LYPLAL1: variants seen among roughly 807,000 people sequenced by gnomAD.
The protein encoded by LYPLAL1 is lysophospholipase like 1, also known as lysophospholipase-like protein 1.
LYPLAL1 carries 23 observed loss-of-function variants against 19.7 expected under a neutral mutation model. The observed-to-expected ratio is 1.17, with a 90% CI of 0.84 to 1.65. LYPLAL1 has a LOEUF of 1.65. Ranked by LOEUF, LYPLAL1 falls within the 40% of genes most tolerant of loss-of-function variation. LYPLAL1 has a pLI of 0.00. For synonymous variants in LYPLAL1, 119 were observed against 96.3 expected, an observed-to-expected ratio of 1.24 and a Z score of -1.38; for missense variants, 355 against 279.4, an observed-to-expected ratio of 1.27 and a Z score of -1.93.
chr1:219,206,436 A>T (rs1273739520), intron 3 of LYPLAL1, among the ~76,000 whole-genome samples: 1 of 152,054 alleles, frequency 6.6e-6, no homozygotes, highest in African/African-American at 2.4e-5. Flanking sequence ...TCTTTGTGTT[A>T]AATTTTCTTC....
chr1:219,301,031 G>A, the LYPLAL1 span, among the ~76,000 whole-genome samples: 1 of 151,060 alleles, frequency 6.6e-6, no homozygotes, highest in Non-Finnish European at 1.5e-5. Flanking sequence ...AGACCAGCCT[G>A]GACAACATAG....
At chr1:219,194,323 G>GTC (rs1280545534) in intron 3 of LYPLAL1, among the ~76,000 whole-genome samples, 4 of 151,856 alleles carry the variant, frequency 2.6e-5, no homozygotes, top group African/African-American at 9.7e-5. Flanking sequence ...TCCCAACTTA[G>GTC]TCTAGGGGAT....
the LYPLAL1 span, among the ~76,000 whole-genome samples, chr1:219,285,182 C>T: frequency 6.6e-6 from 1 of 152,202 alleles, no homozygotes; most frequent in Non-Finnish European, 1.5e-5. Flanking sequence ...AAGAAATCAA[C>T]TTTATCGATA....
chr1:219,240,543 T>C, the LYPLAL1 span, among the ~76,000 whole-genome samples: 1 of 152,298 alleles, frequency 6.6e-6, no homozygotes, highest in African/African-American at 2.4e-5. Context: ...TTTGAAAATA[T>C]TGTTAAAATT....
At chr1:219,214,442 T>C (rs1352638023), downstream of LYPLAL1, among the ~76,000 whole-genome samples, 1 of 152,112 alleles carries the variant, frequency 6.6e-6, no homozygotes, top group Non-Finnish European at 1.5e-5. Context: ...TTATATAGTA[T>C]TGCTATTAAT....
the LYPLAL1 span, among the ~76,000 whole-genome samples, chr1:219,358,437 T>C: frequency 6.6e-6 from 1 of 152,194 alleles, no homozygotes. Flanking sequence ...ATCATTGTAT[T>C]AGTTCATTTT....
At chr1:219,346,371 G>A in the LYPLAL1 span, among the ~76,000 whole-genome samples, 859 of 152,140 alleles carry the variant, frequency 5.6e-3, 8 homozygotes, top group Non-Finnish European at 9.4e-3. Context: ...CCTTGATACC[G>A]TCTGGGAGAA....
At chr1:219,428,726 C>T in the LYPLAL1 span, among the ~76,000 whole-genome samples, 1 of 152,236 alleles carries the variant, frequency 6.6e-6, no homozygotes, top group African/African-American at 2.4e-5. Context: ...ATCCCCCTTC[C>T]ACACACAAGT....
intron 3 of LYPLAL1, chr1:219,199,803 C>T (rs183547323): frequency 2.2e-4 from 35 of 159,084 alleles, no homozygotes; most frequent in East Asian, 1.3e-3. Context: ...TTTGTGGAGA[C>T]GGGATTTCAC....
chr1:219,340,787 AT>A, the LYPLAL1 span, among the ~76,000 whole-genome samples: 2 of 152,094 alleles, frequency 1.3e-5, no homozygotes, highest in African/African-American at 2.4e-5. Flanking sequence ...AAGGATCATC[AT>A]TTATTACTAG....
the LYPLAL1 span, among the ~76,000 whole-genome samples, chr1:219,308,619 G>A: frequency 1.3e-5 from 2 of 152,176 alleles, no homozygotes; most frequent in African/African-American, 4.8e-5. Flanking sequence ...CGTAGAGCTC[G>A]GTTTGAGGCT....
the LYPLAL1 span, among the ~76,000 whole-genome samples, chr1:219,227,184 G>A: frequency 6.6e-6 from 1 of 152,174 alleles, no homozygotes; most frequent in Non-Finnish European, 1.5e-5. Flanking sequence ...GGTAAGCAAC[G>A]CAGACGAAAA....
the LYPLAL1 span, among the ~76,000 whole-genome samples, chr1:219,409,119 A>C: frequency 1.3e-5 from 2 of 152,204 alleles, no homozygotes; most frequent in Non-Finnish European, 2.9e-5. Context: ...ATAAAAAGGA[A>C]GGAAACAATG....
intron 4 of LYPLAL1, 35 bp downstream of exon 4, chr1:219,210,682 A>G (rs763757229): frequency 4.4e-6 from 7 of 1,574,170 alleles, no homozygotes; most frequent in African/African-American, 2.8e-5. Context: ...TGAAAAAAAT[A>G]TGAAATATAT....
chr1:219,251,114 C>T, the LYPLAL1 span, among the ~76,000 whole-genome samples: 3 of 151,456 alleles, frequency 2.0e-5, no homozygotes, highest in African/African-American at 7.3e-5. Flanking sequence ...TGTCCTTTGC[C>T]CACTTTTTAA....
At chr1:219,435,238 A>G in the LYPLAL1 span, 1 of 152,200 alleles carries the variant, frequency 6.6e-6, no homozygotes, top group Non-Finnish European at 1.5e-5. Flanking sequence ...GAGATTTAAA[A>G]ACTAAGACAT....
At chr1:219,349,659 ATG>A in the LYPLAL1 span, among the ~76,000 whole-genome samples, 1 of 152,142 alleles carries the variant, frequency 6.6e-6, no homozygotes, top group Non-Finnish European at 1.5e-5. Flanking sequence ...TTGTGTGTTC[ATG>A]TGTGTAGTGA....
At chr1:219,319,493 T>A in the LYPLAL1 span, among the ~76,000 whole-genome samples, 1 of 152,132 alleles carries the variant, frequency 6.6e-6, no homozygotes, top group African/African-American at 2.4e-5. Flanking sequence ...AGAATCCAAC[T>A]ACCTATGCTG....
chr1:219,341,207 C>T, the LYPLAL1 span, among the ~76,000 whole-genome samples: 2 of 152,060 alleles, frequency 1.3e-5, no homozygotes, highest in African/African-American at 4.8e-5. Flanking sequence ...TTAGTAATAA[C>T]CAACTTGTCT....
Sources: allele counts gnomAD v4.1 joint callset (sites outside exome capture counted in the v4.1 genomes callset), GRCh38; gene constraint gnomAD v4.1.1; transcripts MANE v1.5; gene names NCBI Gene and HGNC (gene_info 2026-07-23, HGNC 2026-07-21).